PRKX: variants seen among roughly 807,000 people sequenced by gnomAD.
PRKX encodes the protein protein kinase cAMP-dependent X-linked catalytic subunit.
In PRKX, 12 loss-of-function variants were observed where a neutral mutation model predicts 22.0. The ratio of observed to expected loss-of-function variants is 0.54; its 90% confidence interval spans 0.35 to 0.88. The LOEUF (loss-of-function observed/expected upper bound fraction) is 0.88, where lower values mean the gene tolerates loss of function less well. Ranked by LOEUF, PRKX falls within the 40% of genes least tolerant of loss-of-function variation. The pLI is 0.01. For synonymous variants in PRKX, 134 were observed against 137.7 expected (o/e 0.97, Z 0.19); for missense variants, 217 against 308.0 (o/e 0.70, Z 2.21).
rs45536032 is a variant in PRKX at position 3,605,168 on chromosome X, G to C, written c.*3801C>G. The C allele has an allele frequency of 2.7e-5, 3 of 110,909 alleles. No homozygotes were observed. Among genetic ancestry groups the C allele is most frequent in the Non-Finnish European group, 5.7e-5 (3 of 53,027 alleles). The allele number at this position is 110,909 out of a possible 1,213,427, so 9.1% of individuals were successfully genotyped here. On this transcript the variant is annotated 3_prime_UTR_variant, in exon 9 of 9. Coordinates refer to ENST00000262848, the MANE Select transcript of PRKX (RefSeq NM_005044.5). ...TTAAGTTAGACTAATTAGAAGGCCT[G>C]CTTGCCTCCATCAGCAACAGAAAAA...
At chrX:3,698,787 CA>C (rs1453724525) in intron 1 of PRKX, among the ~76,000 whole-genome samples, 2 of 107,458 alleles carry the variant, frequency 1.9e-5, no homozygotes, top group Admixed American at 2.0e-4. Context: ...GACAGAGTTT[CA>C]CCATGTTGGC....
Position 3,713,347 on chromosome X carries a change from G to T in PRKX, c.-94C>A. ...CAGCCTCGGAGGGCGGCGCGGCGGC[G>T]GCATCAACAGAGGCTCCCCATGCGC... On this transcript the variant is annotated 5_prime_UTR_variant, in exon 1 of 9. Transcript: ENST00000262848. The T allele has an allele frequency of 1.3e-6, 1 of 787,809 alleles. No individual in the cohort carries two copies. The highest frequency in any genetic ancestry group is 6.1e-5 in the South Asian group (1 of 16,426). 64.9% of individuals were successfully genotyped at this position (787,809 alleles called of 1,213,427 possible). A position where few individuals can be genotyped will look rare whatever the true frequency, so the allele number is the denominator to read the frequency against.
At chrX:3,650,601 G>A (rs1043578893) in intron 3 of PRKX, among the ~76,000 whole-genome samples, 13 of 108,706 alleles carry the variant, frequency 1.2e-4, no homozygotes, top group African/African-American at 3.0e-4. Flanking sequence ...ATTCAAGGCC[G>A]GGCACGGTGG....
At chrX:3,675,581 C>T (rs1217079580) in intron 1 of PRKX, among the ~76,000 whole-genome samples, 2 of 109,684 alleles carry the variant, frequency 1.8e-5, no homozygotes, top group Non-Finnish European at 3.8e-5. Context: ...CCTCTCCCTC[C>T]TCTTCCTCCC....
intron 3 of PRKX, among the ~76,000 whole-genome samples, chrX:3,650,067 C>A (rs1484171541): frequency 1.8e-5 from 2 of 109,981 alleles, no homozygotes; most frequent in African/African-American, 6.6e-5. Context: ...CTTGAGCCTG[C>A]AAGTTCGAGG....
At chrX:3,669,946 A>G (rs1019270725) in intron 2 of PRKX, among the ~76,000 whole-genome samples, 4 of 111,955 alleles carry the variant, frequency 3.6e-5, no homozygotes, top group Admixed American at 1.9e-4. Context: ...TTGGTTATGT[A>G]TGGAGACATT....
intron 1 of PRKX, among the ~76,000 whole-genome samples, chrX:3,681,499 A>T (rs1384606367): frequency 9.2e-6 from 1 of 109,227 alleles, no homozygotes. Context: ...CTAAAAATAC[A>T]AAAAAATTAG....
At chrX:3,703,116 C>T (rs1928612125) in intron 1 of PRKX, among the ~76,000 whole-genome samples, 1 of 111,169 alleles carries the variant, frequency 9.0e-6, no homozygotes, top group Admixed American at 9.6e-5. Flanking sequence ...TCTCTTCTCT[C>T]CACCTTATGA....
intron 2 of PRKX, among the ~76,000 whole-genome samples, chrX:3,656,714 G>C (rs960140913): frequency 1.8e-5 from 2 of 110,928 alleles, no homozygotes; most frequent in African/African-American, 6.6e-5. Flanking sequence ...TCAGATACTG[G>C]GATAAGCATA....
chrX:3,626,624 C>T, intron 4 of PRKX, 110 bp from the exon 5 acceptor site: 1 of 614,129 alleles, frequency 1.6e-6, no homozygotes, highest in Non-Finnish European at 2.7e-6. Flanking sequence ...TAATTTATTT[C>T]ACATGCTCTT....
At chrX:3,706,305 C>A (rs1928684416) in intron 1 of PRKX, among the ~76,000 whole-genome samples, 1 of 110,898 alleles carries the variant, frequency 9.0e-6, no homozygotes, top group African/African-American at 3.3e-5. Flanking sequence ...CTGCCTCAGC[C>A]TCCCTAGTAG....
intron 3 of PRKX, among the ~76,000 whole-genome samples, chrX:3,653,920 A>ATTATATATTATATACTATGTG (rs1491519352): frequency 6.8e-5 from 3 of 44,413 alleles, no homozygotes; most frequent in African/African-American, 2.1e-4. Context: ...TGATATATAT[A>ATTATATATTATATACTATGTG]ATATATATTA....
chrX:3,699,100 C>G (rs7051224), intron 1 of PRKX, among the ~76,000 whole-genome samples: 3,527 of 105,103 alleles, frequency 0.034, 158 homozygotes, highest in African/African-American at 0.12. Flanking sequence ...ACAGCGGCAC[C>G]ATCTCGGTTC....
chrX:3,658,163 G>C (rs1391425643), intron 2 of PRKX, among the ~76,000 whole-genome samples: 1 of 110,732 alleles, frequency 9.0e-6, no homozygotes, highest in Non-Finnish European at 1.9e-5. Context: ...GCTAATTTTT[G>C]TATTTTTAGT....
intron 3 of PRKX, among the ~76,000 whole-genome samples, chrX:3,653,728 T>G (rs1927394205): frequency 1.6e-5 from 1 of 63,567 alleles, no homozygotes; most frequent in Non-Finnish European, 2.7e-5. Context: ...ATATACTATG[T>G]GATATATATA....
At chrX:3,691,266 T>G (rs1313399285) in intron 1 of PRKX, among the ~76,000 whole-genome samples, 1 of 111,404 alleles carries the variant, frequency 9.0e-6, no homozygotes, top group Non-Finnish European at 1.9e-5. Flanking sequence ...TACATACTTT[T>G]GCAGCAATTG....
At chrX:3,689,175 C>G (rs1295636783) in intron 1 of PRKX, among the ~76,000 whole-genome samples, 2 of 112,632 alleles carry the variant, frequency 1.8e-5, no homozygotes, top group Admixed American at 1.9e-4. Context: ...AGAACGTACA[C>G]ATTTATCATC....
chrX:3,674,263 T>C (rs768307876), intron 2 of PRKX, among the ~76,000 whole-genome samples: 1 of 111,368 alleles, frequency 9.0e-6, no homozygotes, highest in Non-Finnish European at 1.9e-5. Context: ...CCGAGAGCTA[T>C]AGATGCAGAA....
chrX:3,656,265 T>C (rs1927479034), intron 2 of PRKX, among the ~76,000 whole-genome samples: 1 of 111,159 alleles, frequency 9.0e-6, no homozygotes, highest in Admixed American at 9.6e-5. Context: ...GATGTTAGAA[T>C]ATGGGTGTAG....
Sources: allele counts gnomAD v4.1 joint callset (sites outside exome capture counted in the v4.1 genomes callset), GRCh38; gene constraint gnomAD v4.1.1; transcripts MANE v1.5; gene names NCBI Gene and HGNC (gene_info 2026-07-23, HGNC 2026-07-21).